Variants in TESK2 observed in about 807,000 individuals in gnomAD.
TESK2 encodes testis associated actin remodelling kinase 2.
TESK2 carries 39 observed loss-of-function variants against 57.1 expected under a neutral mutation model. The ratio of observed to expected loss-of-function variants is 0.68; its 90% CI spans 0.53 to 0.89. TESK2 has a LOEUF of 0.89. TESK2 is among the 40% of genes least tolerant of loss of function. TESK2 has a pLI of 0.00. For missense variants in TESK2, 646 were observed against 732.1 expected (o/e 0.88, Z 1.36); for synonymous variants, 249 against 267.9 (o/e 0.93, Z 0.69).
chr1:45,368,436 G>A (rs571346159), intron 4 of TESK2, among the ~76,000 whole-genome samples: 3 of 151,596 alleles, frequency 2.0e-5, no homozygotes, highest in East Asian at 2.0e-4. Flanking sequence ...CTGCAGTGGC[G>A]CAATCTCAGC....
chr1:45,416,373 A>G (rs1313553366), intron 3 of TESK2, among the ~76,000 whole-genome samples: 1 of 152,048 alleles, frequency 6.6e-6, no homozygotes, highest in Non-Finnish European at 1.5e-5. Flanking sequence ...TTGTGAGCTC[A>G]AGGAATCTGT....
At chr1:45,471,634 T>C (rs56703632) in intron 1 of TESK2, among the ~76,000 whole-genome samples, 1 of 151,934 alleles carries the variant, frequency 6.6e-6, no homozygotes, top group Non-Finnish European at 1.5e-5. Flanking sequence ...TCTCAATCTC[T>C]TGACCTGGTG....
intron 1 of TESK2, among the ~76,000 whole-genome samples, chr1:45,458,390 C>G (rs1257014786): frequency 2.0e-5 from 3 of 152,022 alleles, no homozygotes; most frequent in Non-Finnish European, 4.4e-5. Context: ...CATGGTGAAA[C>G]CCCATCTCTA....
chr1:45,386,285 C>T (rs1648890577), intron 3 of TESK2, among the ~76,000 whole-genome samples: 1 of 135,284 alleles, frequency 7.4e-6, no homozygotes. Flanking sequence ...GCAGAGGTTG[C>T]AGTGAGCTGA....
At chr1:45,428,479 G>A (rs372050668) in intron 2 of TESK2, among the ~76,000 whole-genome samples, 8 of 152,098 alleles carry the variant, frequency 5.3e-5, no homozygotes, top group African/African-American at 1.9e-4. Context: ...GACAATGTAA[G>A]GCAAATGTGA....
At chr1:45,462,138 C>T (rs1344557308) in intron 1 of TESK2, among the ~76,000 whole-genome samples, 2 of 152,146 alleles carry the variant, frequency 1.3e-5, no homozygotes, top group Non-Finnish European at 2.9e-5. Context: ...TCTCTATCTC[C>T]ATGAGTTCAA....
At chr1:45,444,586 A>C (rs1651577532) in intron 2 of TESK2, among the ~76,000 whole-genome samples, 2 of 152,254 alleles carry the variant, frequency 1.3e-5, no homozygotes, top group Non-Finnish European at 2.9e-5. Context: ...AAAATAAAGC[A>C]TTTAGGTTCA....
Position 45,345,026 on chromosome 1 carries a change from A to C in TESK2, c.1530T>G (p.His510Gln). ...GGAGAATGGAGCAGTCCATAGCCTCATGGGCTTGAGCAGCTGGTAGGGCAG... is the reference window on the plus strand; with the variant it reads ...GGAGAATGGAGCAGTCCATAGCCTCCTGGGCTTGAGCAGCTGGTAGGGCAG... ...RASALPAAQA[H>Q]EAMDCSILQE... Residue 510 changes from histidine (H) to glutamine (Q), a missense_variant, in exon 11 of 11, where the codon CAT becomes CAG. Coordinates refer to ENST00000372086, the MANE Select transcript of TESK2 (RefSeq NM_007170.3). 1 of 1,614,226 alleles carries C rather than the reference A, an allele frequency of 6.2e-7. No individual in the cohort carries two copies. The highest frequency in any genetic ancestry group is 2.2e-5 in the East Asian group (1 of 44,884).
chr1:45,384,025 C>G (rs888882411), intron 4 of TESK2, among the ~76,000 whole-genome samples: 3 of 152,084 alleles, frequency 2.0e-5, no homozygotes, highest in Non-Finnish European at 4.4e-5. Flanking sequence ...AGAAGAGGGA[C>G]TAGTCACTGT....
intron 2 of TESK2, among the ~76,000 whole-genome samples, chr1:45,455,103 C>A (rs1361335230): frequency 6.6e-6 from 1 of 152,146 alleles, no homozygotes; most frequent in Non-Finnish European, 1.5e-5. Flanking sequence ...TGCTAAAAGT[C>A]ATATAGCACT....
At chr1:45,447,034 A>G (rs1651674023) in intron 2 of TESK2, among the ~76,000 whole-genome samples, 2 of 152,332 alleles carry the variant, frequency 1.3e-5, no homozygotes, top group South Asian at 4.1e-4. Flanking sequence ...CCTGGGCAAC[A>G]TAGTGAGACC....
At position 45,348,017 on chromosome 1, in the gene TESK2, G is replaced by T. The variant is rs1287589449; in HGVS notation, c.541-17C>A. ...CAGGCAGTTCTAGGGTTCCCAGGAA[G>T]GAAGAGAAAATAATGTGGCTCAGAA... On this transcript the variant is annotated splice_polypyrimidine_tract_variant and intron_variant, in intron 5 of 10. Coordinates refer to ENST00000372086, the MANE Select transcript of TESK2 (RefSeq NM_007170.3). 1 of 1,561,434 alleles carries T rather than the reference G, an allele frequency of 6.4e-7. No homozygotes were observed. The highest frequency in any genetic ancestry group is 1.1e-5 in the South Asian group (1 of 89,954).
At chr1:45,348,268 A>AG (rs1396590465) in intron 5 of TESK2, among the ~76,000 whole-genome samples, 1 of 152,210 alleles carries the variant, frequency 6.6e-6, no homozygotes, top group Non-Finnish European at 1.5e-5. Flanking sequence ...TGCTAGGCAT[A>AG]ATTTTAAGTG....
chr1:45,462,514 C>T (rs548123484), intron 1 of TESK2, among the ~76,000 whole-genome samples: 1 of 152,260 alleles, frequency 6.6e-6, no homozygotes, highest in East Asian at 1.9e-4. Context: ...CATTGTGATC[C>T]GCCCACCTCG....
In TESK2 at chr1:45,429,524, A is replaced by AT. The variant is rs75793059; in HGVS notation, c.223-7679dup. On this transcript the variant is annotated intron_variant, in intron 2 of 10. Transcript: ENST00000372086. ...ATCTAATCCTTCCTCAAAGACAGGC[A>AT]TTTTTTTTAAAGTATATATGACAAA... 3.5e-3 allele frequency among the ~76,000 whole-genome samples: 534 copies of AT among 152,194 alleles called. 7 individuals are homozygous for AT. Among genetic ancestry groups the AT allele is most frequent in the East Asian group, 0.033 (169 of 5,190 alleles).
rs375872140 is a variant in TESK2 at position 45,475,209 on chromosome 1, C to CTTTTTTTTTTTTTTT, written c.-87+15628_-87+15642dup. ...GTTAGGTTCCTTGTGTTAGCCTGGC[C>CTTTTTTTTTTTTTTT]TTTTTTTTTTTTTTTTTTTTTGAGT... On this transcript the variant is annotated intron_variant, in intron 1 of 10. Transcript: ENST00000372086. Among the ~76,000 whole-genome samples, 23 of 113,162 alleles carry CTTTTTTTTTTTTTTT rather than the reference C, an allele frequency of 2.0e-4. 1 individual carries two copies. The highest frequency in any genetic ancestry group is 2.7e-4 in the Admixed American group (3 of 10,938). 74.2% of individuals were successfully genotyped at this position (113,162 alleles called of 152,430 possible). A position where few individuals can be genotyped will look rare whatever the true frequency, so the allele number is the denominator to read the frequency against.
intron 3 of TESK2, chr1:45,398,605 C>T (rs1487895553): frequency 6.2e-6 from 1 of 160,918 alleles, no homozygotes; most frequent in Non-Finnish European, 1.4e-5. Context: ...TAGGCCCTGC[C>T]TTCTACATCA....
intron 4 of TESK2, among the ~76,000 whole-genome samples, chr1:45,373,059 G>T (rs1264118962): frequency 6.7e-6 from 1 of 148,180 alleles, no homozygotes; most frequent in Non-Finnish European, 1.5e-5. Context: ...AAAAGAAAAA[G>T]GTCTGGAGAT....
At chr1:45,372,977 G>A (rs1457105915) in intron 4 of TESK2, among the ~76,000 whole-genome samples, 8 of 143,500 alleles carry the variant, frequency 5.6e-5, no homozygotes, top group East Asian at 2.0e-4. Flanking sequence ...GCGGTGAGCC[G>A]AGATCACGCC....
Sources: allele counts gnomAD v4.1 joint callset (sites outside exome capture counted in the v4.1 genomes callset), GRCh38; gene constraint gnomAD v4.1.1; transcripts MANE v1.5; gene names NCBI Gene and HGNC (gene_info 2026-07-23, HGNC 2026-07-21).